ADCYAP1R1: variants seen among roughly 807,000 people sequenced by gnomAD.
The protein encoded by ADCYAP1R1 is ADCYAP receptor type I, also known as pituitary adenylate cyclase-activating polypeptide type I receptor.
A neutral mutation model predicts 67.6 loss-of-function variants in ADCYAP1R1; 44 were observed. The observed-to-expected ratio is 0.65, with a 90% confidence interval of 0.51 to 0.84. The LOEUF (loss-of-function observed/expected upper bound fraction) is 0.84, where lower values mean the gene tolerates loss of function less well. Among genes scored for constraint, ADCYAP1R1 ranks in the 40% least tolerant of loss-of-function variants. The pLI is 0.00. For synonymous variants in ADCYAP1R1, 222 were observed against 219.6 expected, an observed-to-expected ratio of 1.01 and a Z score of -0.10; for missense variants, 477 against 587.9, an observed-to-expected ratio of 0.81 and a Z score of 1.95.
At chr7:31,088,112 A>G (rs1020208208) in intron 12 of ADCYAP1R1, among the ~76,000 whole-genome samples, 1 of 152,202 alleles carries the variant, frequency 6.6e-6, no homozygotes, top group African/African-American at 2.4e-5. Flanking sequence ...TCAATAATTT[A>G]ATTTTTTGCA....
intron 6 of ADCYAP1R1, among the ~76,000 whole-genome samples, chr7:31,082,505 A>G (rs566231135): frequency 7.2e-5 from 11 of 152,354 alleles, no homozygotes; most frequent in Non-Finnish European, 1.3e-4. Context: ...TTTCAAAAAA[A>G]TTGTTTTTCA....
chr7:31,084,851 C>A lies in ADCYAP1R1; in HGVS notation c.536+17C>A. Reference sequence around the variant, plus strand: ...TCGCTTCCGGTGAGACCCTCAGCAACATTCAAGCAAGCACCAGAGCTGGCC... The same window carrying A: ...TCGCTTCCGGTGAGACCCTCAGCAAAATTCAAGCAAGCACCAGAGCTGGCC... On this transcript the variant is annotated intron_variant, in intron 8 of 15. Coordinates refer to ENST00000304166, the MANE Select transcript of ADCYAP1R1 (RefSeq NM_001118.5). 1 of 1,610,502 alleles carries A rather than the reference C, an allele frequency of 6.2e-7. No individual in the cohort carries two copies. Among genetic ancestry groups the A allele is most frequent in the African/African-American group, 1.3e-5 (1 of 74,962 alleles).
In ADCYAP1R1 at chr7:31,092,674, G is replaced by A. The variant is rs376664570; in HGVS notation, c.985G>A (p.Val329Ile). Reference sequence around the variant, plus strand: ...CTTTGTGCTTTTTATTGGCATTATCGTCATCCTTGTGCAGAAACTTCAGTC... The same window carrying A: ...CTTTGTGCTTTTTATTGGCATTATCATCATCCTTGTGCAGAAACTTCAGTC... ...VNFVLFIGII[V>I]ILVQKLQSPD... The change falls in exon 13 of 16, where the codon GTC becomes ATC. Residue 329 changes from valine (V) to isoleucine (I), a missense_variant. By Grantham distance (29) the Val-to-Ile change is conservative. Coordinates refer to ENST00000304166, the MANE Select transcript of ADCYAP1R1 (RefSeq NM_001118.5). The A allele has an allele frequency of 8.2e-5, 132 of 1,608,826 alleles. No homozygotes were observed. The highest frequency in any genetic ancestry group is 9.8e-5 in the Non-Finnish European group (115 of 1,179,142).
intron 3 of ADCYAP1R1, among the ~76,000 whole-genome samples, chr7:31,069,092 T>C (rs1168313635): frequency 3.9e-5 from 6 of 152,080 alleles, no homozygotes; most frequent in African/African-American, 1.4e-4. Context: ...TGCAGATCTG[T>C]GTTAAAAGCC....
At chr7:31,090,230 G>A (rs77613675) in intron 12 of ADCYAP1R1, among the ~76,000 whole-genome samples, 8,354 of 151,954 alleles carry the variant, frequency 0.055, 288 homozygotes, top group East Asian at 0.11. Flanking sequence ...TGATTTTGTT[G>A]ATATTTATTT....
chr7:31,103,415 G>A, intron 14 of ADCYAP1R1, 49 bp downstream of exon 14: 5 of 1,612,650 alleles, frequency 3.1e-6, no homozygotes, highest in Non-Finnish European at 4.2e-6. Context: ...GCCAGGGCCT[G>A]GTTGCTCACC....
intron 9 of ADCYAP1R1, 26 bp downstream of exon 9, chr7:31,085,468 G>A (rs1795702171): frequency 3.7e-6 from 6 of 1,605,292 alleles, no homozygotes; most frequent in Non-Finnish European, 4.2e-6. Context: ...AGACCCATTA[G>A]GGCTCTGCCG....
intron 1 of ADCYAP1R1, among the ~76,000 whole-genome samples, chr7:31,059,871 G>A (rs1794418929): frequency 6.6e-6 from 1 of 151,448 alleles, no homozygotes; most frequent in South Asian, 2.1e-4. Context: ...AGGCCTGGGA[G>A]CTCCCAGGTT....
intron 1 of ADCYAP1R1, among the ~76,000 whole-genome samples, chr7:31,060,158 C>T (rs994584135): frequency 2.6e-5 from 4 of 152,234 alleles, no homozygotes; most frequent in Middle Eastern, 3.4e-3. Flanking sequence ...TTCAGTCCAC[C>T]GCAGCTACAG....
At position 31,106,629 on chromosome 7, in the gene ADCYAP1R1, A is replaced by T; in HGVS notation, c.1352A>T (p.Lys451Met). 6.2e-7 allele frequency: 1 copy of T among 1,613,634 alleles called. No individual in the cohort carries two copies. The highest frequency in any genetic ancestry group is 8.5e-7 in the Non-Finnish European group (1 of 1,179,742). ...GGCACCCAGCTCTCCATCCTGAGCAAGAGCAGCTCCCAAATCCGCATGTCT... is the reference window on the plus strand; with the variant it reads ...GGCACCCAGCTCTCCATCCTGAGCATGAGCAGCTCCCAAATCCGCATGTCT... ...NGGTQLSILSKSSSQIRMSGL... is the reference protein window; with the variant it reads ...NGGTQLSILSMSSSQIRMSGL... Residue 451 changes from lysine to methionine, a missense_variant, in exon 16 of 16, where the codon AAG (lysine) becomes ATG (methionine). Coordinates refer to ENST00000304166, the MANE Select transcript of ADCYAP1R1 (RefSeq NM_001118.5).
Position 31,108,153 on chromosome 7 carries a change from G to A in ADCYAP1R1, c.*1469G>A, listed in dbSNP as rs1167711171. On this transcript the variant is annotated 3_prime_UTR_variant, in exon 16 of 16. Transcript: ENST00000304166. ...CTGGAATGCTTGGGGACTTTGGGTGGAGGAGGATGTTACTTCATTTTATAA... is the reference window on the plus strand; with the variant it reads ...CTGGAATGCTTGGGGACTTTGGGTGAAGGAGGATGTTACTTCATTTTATAA... 6.6e-6 allele frequency: 1 copy of A among 152,258 alleles called. No homozygotes were observed. The highest frequency in any genetic ancestry group is 1.5e-5 in the Non-Finnish European group (1 of 68,052). The allele number at this position is 152,258 out of a possible 1,614,324, so 9.4% of individuals were successfully genotyped here.
intron 13 of ADCYAP1R1, chr7:31,100,298 G>A: frequency 7.7e-7 from 1 of 1,302,178 alleles, no homozygotes; most frequent in Non-Finnish European, 1.1e-6. Flanking sequence ...GGAGAGTGGA[G>A]AGCCAGCCTC....
chr7:31,104,185 G>A (rs1778574150), intron 14 of ADCYAP1R1, among the ~76,000 whole-genome samples: 1 of 152,012 alleles, frequency 6.6e-6, no homozygotes, highest in African/African-American at 2.4e-5. Flanking sequence ...CCAGGAGTGA[G>A]AGCCCAGGGC....
At chr7:31,076,715 TTG>T (rs1795238204) in intron 3 of ADCYAP1R1, among the ~76,000 whole-genome samples, 1 of 152,134 alleles carries the variant, frequency 6.6e-6, no homozygotes, top group African/African-American at 2.4e-5. Flanking sequence ...GCTGATGAAT[TTG>T]TGTCCCCTGC....
At chr7:31,064,442 A>G (rs1322875483) in intron 2 of ADCYAP1R1, among the ~76,000 whole-genome samples, 2 of 152,212 alleles carry the variant, frequency 1.3e-5, no homozygotes, top group Non-Finnish European at 1.5e-5. Context: ...TTAAGTTTCC[A>G]CATCAGTAAA....
rs1272049247 is a variant in ADCYAP1R1 at position 31,086,220 on chromosome 7, C to G, written c.670-164C>G. ...TCCATGGGCAGCTTTGACTCAGAAT[C>G]ATGGGATGCTGCAATTTTCAACTCT... On this transcript the variant is annotated intron_variant, in intron 9 of 15. Transcript: ENST00000304166. This position sits in a 1 kb window ranked among gnomAD's most constrained non-coding sequence, Gnocchi z 5.0. 6.6e-6 allele frequency among the ~76,000 whole-genome samples: 1 copy of G among 152,214 alleles called. No individual in the cohort carries two copies. Among genetic ancestry groups the G allele is most frequent in the Non-Finnish European group, 1.5e-5 (1 of 68,036 alleles).
intron 13 of ADCYAP1R1, chr7:31,095,669 C>T: frequency 1.4e-6 from 1 of 717,956 alleles, no homozygotes; most frequent in South Asian, 1.5e-5. Flanking sequence ...ATTTCCAGAA[C>T]AAATTTAAGC....
At position 31,110,213 on chromosome 7, in the gene ADCYAP1R1, T is replaced by C. The variant is rs891321901; in HGVS notation, c.*3529T>C. 5 of 150,558 alleles carry C rather than the reference T, an allele frequency of 3.3e-5. No homozygotes were observed. In the Admixed American group the frequency reaches 3.3e-4, roughly 10 times the overall value. 9.3% of individuals were successfully genotyped at this position (150,558 alleles called of 1,614,324 possible). On this transcript the variant is annotated 3_prime_UTR_variant, in exon 16 of 16. Coordinates refer to ENST00000304166, the MANE Select transcript of ADCYAP1R1 (RefSeq NM_001118.5). ...CAAAGTGAAGCCAGCAAAGTGATAATACTTTATCATTTAGTATTATCATAA... is the reference window on the plus strand; with the variant it reads ...CAAAGTGAAGCCAGCAAAGTGATAACACTTTATCATTTAGTATTATCATAA...
intron 12 of ADCYAP1R1, among the ~76,000 whole-genome samples, chr7:31,091,934 C>T (rs1257443120): frequency 6.7e-6 from 1 of 150,052 alleles, no homozygotes; most frequent in Non-Finnish European, 1.5e-5. Context: ...GTAATCTTTC[C>T]CTAGCTCTTG....
Sources: allele counts gnomAD v4.1 joint callset (sites outside exome capture counted in the v4.1 genomes callset), GRCh38; gene constraint gnomAD v4.1.1; non-coding constraint Gnocchi (gnomAD v3.1); transcripts MANE v1.5; gene names NCBI Gene and HGNC (gene_info 2026-07-23, HGNC 2026-07-21).